The following BMP6 variants were observed in gnomAD, a reference collection of about 807,000 sequenced individuals.
BMP6 encodes the protein VG-1-R.
In BMP6, 17 loss-of-function variants were observed where a neutral mutation model predicts 54.1. That is an observed-to-expected ratio of 0.31 (90% CI 0.22 to 0.47). The LOEUF (loss-of-function observed/expected upper bound fraction) is 0.47. Ranked by LOEUF, BMP6 falls within the 20% of genes least tolerant of loss-of-function variation. The probability of loss-of-function intolerance (pLI) is 1.00; values close to 1 mark genes in which losing one functional copy is unlikely to be tolerated. For missense variants in BMP6, 720 were observed against 690.4 expected (o/e 1.04, Z -0.48); for synonymous variants, 328 against 291.2 (o/e 1.13, Z -1.28).
intron 4 of BMP6, among the ~76,000 whole-genome samples, chr6:7,878,750 C>T (rs1161333034): frequency 1.3e-5 from 2 of 152,250 alleles, no homozygotes; most frequent in African/African-American, 4.8e-5. Flanking sequence ...CGGTCTGGCG[C>T]CTCTGGGGTG....
chr6:7,870,980 T>G (rs2113288335), intron 4 of BMP6, among the ~76,000 whole-genome samples: 1 of 152,318 alleles, frequency 6.6e-6, no homozygotes, highest in East Asian at 1.9e-4. Flanking sequence ...TTGTAGAAGC[T>G]TCCTGTATCA....
At position 7,880,363 on chromosome 6, in the gene BMP6, G is replaced by T. The variant is rs760231730; in HGVS notation, c.*20G>T. On this transcript the variant is annotated 3_prime_UTR_variant, in exon 7 of 7. Transcript: ENST00000283147. ...CACTAACTCGAAACCAGATGCTGGGGACACACATTCTGCCTTGGATTCCTA... is the reference window on the plus strand; with the variant it reads ...CACTAACTCGAAACCAGATGCTGGGTACACACATTCTGCCTTGGATTCCTA... The T allele has an allele frequency of 1.9e-6, 3 of 1,613,516 alleles. No homozygotes were observed. The Admixed American group carries it at 5.0e-5, about 27-fold the overall frequency.
intron 1 of BMP6, among the ~76,000 whole-genome samples, chr6:7,809,862 T>G (rs1361454140): frequency 6.6e-6 from 1 of 152,142 alleles, no homozygotes; most frequent in Non-Finnish European, 1.5e-5. Flanking sequence ...AACAAAACAT[T>G]ATCAAAGACA....
At chr6:7,756,226 C>T (rs1757512988) in intron 1 of BMP6, among the ~76,000 whole-genome samples, 1 of 151,990 alleles carries the variant, frequency 6.6e-6, no homozygotes. Context: ...TGTGTTGTCT[C>T]ATTTGGGCAA....
Position 7,879,132 on chromosome 6 carries a change from CCAAGACCTGGGATGG to C in BMP6, c.1266_1280del (p.Leu424_Asp428del). 1 of 1,614,118 alleles carries C rather than the reference CCAAGACCTGGGATGG, an allele frequency of 6.2e-7. No individual in the cohort carries two copies. The highest frequency in any genetic ancestry group is 8.5e-7 in the Non-Finnish European group (1 of 1,179,962). On this transcript the variant is annotated inframe_deletion, in exon 5 of 7. Coordinates refer to ENST00000283147, the MANE Select transcript of BMP6 (RefSeq NM_001718.6). ...GGAAGCATGAGCTGTATGTGAGTTTCCAAGACCTGGGATGGCAGGTGAGTTCTCTGGACACGGGGG... is the reference window on the plus strand; with the variant it reads ...GGAAGCATGAGCTGTATGTGAGTTTCCAGGTGAGTTCTCTGGACACGGGGG...
intron 1 of BMP6, among the ~76,000 whole-genome samples, chr6:7,805,679 AAC>A (rs534292278): frequency 1.0e-3 from 157 of 152,348 alleles, no homozygotes; most frequent in Non-Finnish European, 1.8e-3. Context: ...GGGGAAAACA[AAC>A]AGTGTCAATA....
intron 1 of BMP6, among the ~76,000 whole-genome samples, chr6:7,818,828 A>C (rs552611369): frequency 2.0e-5 from 3 of 152,254 alleles, no homozygotes; most frequent in African/African-American, 7.2e-5. Context: ...AGACACGTTG[A>C]TACTATCAAG....
intron 1 of BMP6, among the ~76,000 whole-genome samples, chr6:7,801,787 T>C (rs1260097750): frequency 6.6e-6 from 1 of 152,080 alleles, no homozygotes; most frequent in Non-Finnish European, 1.5e-5. Context: ...GACATGGGGG[T>C]GCTGCTCATG....
intron 2 of BMP6, among the ~76,000 whole-genome samples, chr6:7,848,473 C>G (rs749699582): frequency 6.6e-6 from 1 of 152,162 alleles, no homozygotes; most frequent in African/African-American, 2.4e-5. Context: ...GTTTTAGACA[C>G]CCCTGTGATT....
chr6:7,858,506 G>A (rs760700416), intron 2 of BMP6, among the ~76,000 whole-genome samples: 4 of 151,916 alleles, frequency 2.6e-5, no homozygotes, highest in Admixed American at 1.3e-4. Flanking sequence ...CTGAGCCCTT[G>A]GACAGTACTT....
chr6:7,819,809 G>A (rs1166714720), intron 1 of BMP6, among the ~76,000 whole-genome samples: 3 of 152,184 alleles, frequency 2.0e-5, no homozygotes, highest in Non-Finnish European at 4.4e-5. Context: ...AACAGAAACA[G>A]AAGCTGCATT....
chr6:7,793,290 A>G (rs371905709), intron 1 of BMP6, among the ~76,000 whole-genome samples: 1 of 152,194 alleles, frequency 6.6e-6, no homozygotes, highest in Non-Finnish European at 1.5e-5. Flanking sequence ...TACATACTAT[A>G]TAGTTCCAAC....
intron 1 of BMP6, among the ~76,000 whole-genome samples, chr6:7,799,925 G>A (rs1450754218): frequency 6.6e-6 from 1 of 152,084 alleles, no homozygotes; most frequent in Non-Finnish European, 1.5e-5. Flanking sequence ...AATGTTGAAG[G>A]GTCAGGTGTC....
intron 3 of BMP6, 77 bp downstream of exon 3, chr6:7,861,676 G>A: frequency 6.4e-7 from 1 of 1,570,766 alleles, no homozygotes; most frequent in Non-Finnish European, 8.7e-7. Flanking sequence ...AGTTGTGATA[G>A]AACCGTGGGC....
At chr6:7,795,162 G>T (rs1399483112) in intron 1 of BMP6, among the ~76,000 whole-genome samples, 1 of 152,166 alleles carries the variant, frequency 6.6e-6, no homozygotes, top group Non-Finnish European at 1.5e-5. Context: ...AGGAAATGAA[G>T]CATAGTCCCC....
In BMP6 at chr6:7,880,065, C is replaced by T; in HGVS notation, c.1356C>T (p.His452=). 1 of 1,614,216 alleles carries T rather than the reference C, an allele frequency of 6.2e-7. No individual in the cohort carries two copies. Among genetic ancestry groups the T allele is most frequent in the Non-Finnish European group, 8.5e-7 (1 of 1,180,046 alleles). ...AATGCTCCTTCCCACTCAACGCACA[C>T]ATGAATGCAACCAACCACGCGATTG... The part of the protein sequence containing the change: ...DGECSFPLNA[H]MNATNHAIVQ... The change falls in exon 6 of 7, where the codon CAC becomes CAT. Residue 452 remains histidine, a synonymous_variant. Coordinates refer to ENST00000283147, the MANE Select transcript of BMP6 (RefSeq NM_001718.6).
At chr6:7,853,670 G>A (rs1759179571) in intron 2 of BMP6, among the ~76,000 whole-genome samples, 1 of 152,172 alleles carries the variant, frequency 6.6e-6, no homozygotes, top group Non-Finnish European at 1.5e-5. Flanking sequence ...CTCTTTCTGT[G>A]TCTGGCTTTC....
chr6:7,736,779 C>CCAT (rs1761961662), intron 1 of BMP6, among the ~76,000 whole-genome samples: 1 of 152,178 alleles, frequency 6.6e-6, no homozygotes. Flanking sequence ...TGAATTCTCT[C>CCAT]CATCTCTCTT....
chr6:7,784,544 A>AT (rs1207481118), intron 1 of BMP6, among the ~76,000 whole-genome samples: 1 of 152,148 alleles, frequency 6.6e-6, no homozygotes, highest in Non-Finnish European at 1.5e-5. Context: ...GCCAGGATAA[A>AT]TTTTTTAAAA....
Sources: gnomAD v4.1 joint callset for allele counts (sites outside exome capture counted in the v4.1 genomes callset) on GRCh38, gnomAD v4.1.1 for gene constraint, MANE v1.5 for transcripts, NCBI Gene and HGNC (gene_info 2026-07-23, HGNC 2026-07-21) for gene names.